The following ITIH2 variants were observed in gnomAD, a reference collection of about 807,000 sequenced individuals.
The protein encoded by ITIH2 is inter-alpha-trypsin inhibitor heavy chain 2, also known as inter-alpha-trypsin inhibitor heavy chain H2.
ITIH2 carries 103 observed loss-of-function variants against 104.4 expected under a neutral mutation model. The ratio of observed to expected loss-of-function variants is 0.99; its 90% CI spans 0.84 to 1.16. The LOEUF (loss-of-function observed/expected upper bound fraction) is 1.16. Among genes scored for constraint, ITIH2 ranks in the 50% most tolerant of loss-of-function variants. The probability of loss-of-function intolerance (pLI) is 0.00; values close to 1 mark genes in which losing one functional copy is unlikely to be tolerated. For synonymous variants in ITIH2, 436 were observed against 435.4 expected (o/e 1.00, Z -0.02); for missense variants, 1,108 against 1,162.4 (o/e 0.95, Z 0.68).
chr10:7,717,950 C>T lies in ITIH2; in HGVS notation c.630+162C>T, dbSNP rs112881065. The stretch of plus-strand genomic sequence containing the variant: ...AAGATGGTGGGTTTGGAGTCAGCCA[C>T]ACCACTTCCTTATGGCTCTCGGTCT... On this transcript the variant is annotated intron_variant, in intron 6 of 20. Coordinates refer to ENST00000358415, the MANE Select transcript of ITIH2 (RefSeq NM_002216.3). 1.7e-3 allele frequency among the ~76,000 whole-genome samples: 266 copies of T among 152,208 alleles called. 1 individual carries two copies. The highest frequency in any genetic ancestry group is 6.2e-3 in the African/African-American group (258 of 41,524).
At position 7,709,141 on chromosome 10, in the gene ITIH2, C is replaced by T. The variant is rs1471964439; in HGVS notation, c.312C>T (p.Val104=). The T allele has an allele frequency of 2.5e-6, 4 of 1,613,950 alleles. No individual in the cohort carries two copies. Among genetic ancestry groups the T allele is most frequent in the African/African-American group, 2.7e-5 (2 of 74,880 alleles). The part of the protein sequence containing the change: ...VVNNSPQPQN[V]VFDVQIPKGA... Reference sequence around the variant, plus strand: ...ACAATTCCCCGCAGCCTCAGAATGTCGTGTTTGATGTTCAGATCCCCAAAG... The same window carrying T: ...ACAATTCCCCGCAGCCTCAGAATGTTGTGTTTGATGTTCAGATCCCCAAAG... The change falls in exon 4 of 21, where the codon GTC becomes GTT. Residue 104 remains valine, a synonymous_variant. Transcript: ENST00000358415.
At chr10:7,727,228 C>A in intron 10 of ITIH2, 110 bp downstream of exon 10, 3 of 860,466 alleles carry the variant, frequency 3.5e-6, no homozygotes, top group Non-Finnish European at 5.3e-6. Context: ...CATTCGAGGG[C>A]CTATCTTAAA....
intron 4 of ITIH2, among the ~76,000 whole-genome samples, chr10:7,709,912 G>A (rs925013723): frequency 1.3e-5 from 2 of 152,078 alleles, no homozygotes; most frequent in Admixed American, 1.3e-4. Flanking sequence ...GGAGTGCAGT[G>A]GCGTGATCTC....
rs1251906207 is a variant in ITIH2, at chr10:7,713,342, A to G, written c.467+57A>G. ...CCTCTCAATGACGGTTTCCTCTCCT[A>G]CTTCCTTCCCACAGCAGCAAAGCAG... On this transcript the variant is annotated intron_variant, in intron 5 of 20. Coordinates refer to ENST00000358415, the MANE Select transcript of ITIH2 (RefSeq NM_002216.3). 10 of 1,363,888 alleles carry G rather than the reference A, an allele frequency of 7.3e-6. No individual in the cohort carries two copies. In the East Asian group the frequency reaches 1.6e-4, roughly 22 times the overall value. The allele number at this position is 1,363,888 out of a possible 1,614,324, so 84.5% of individuals were successfully genotyped here.
chr10:7,717,828 T>A, intron 6 of ITIH2, 40 bp downstream of exon 6: 2 of 1,573,764 alleles, frequency 1.3e-6, no homozygotes, highest in Non-Finnish European at 1.7e-6. Flanking sequence ...ACACTGTCCT[T>A]TTATAGTCTC....
Position 7,709,084 on chromosome 10 carries a change from G to A in ITIH2, c.255G>A (p.Met85Ile), listed in dbSNP as rs760324718. The stretch of plus-strand genomic sequence containing the variant: ...TCCAGTCTACTATTACTTCTCGGAT[G>A]GCCACCACCATGATCCAGAGCAAAG... ...YKVQSTITSR[M>I]ATTMIQSKVV... The change falls in exon 4 of 21, where the codon ATG becomes ATA. Residue 85 changes from methionine to isoleucine, a missense_variant. By Grantham distance (10) the Met-to-Ile change is conservative (BLOSUM62 1). Coordinates refer to ENST00000358415, the MANE Select transcript of ITIH2 (RefSeq NM_002216.3). The A allele has an allele frequency of 6.2e-7, 1 of 1,614,002 alleles. No homozygotes were observed. The highest frequency in any genetic ancestry group is 1.3e-5 in the African/African-American group (1 of 75,008).
intron 20 of ITIH2, among the ~76,000 whole-genome samples, chr10:7,747,428 G>A (rs1378469113): frequency 6.6e-6 from 1 of 152,174 alleles, no homozygotes; most frequent in Non-Finnish European, 1.5e-5. Context: ...TGCCACGAAA[G>A]TAGATTTGTG....
At chr10:7,747,568 A>C (rs187664485) in intron 20 of ITIH2, among the ~76,000 whole-genome samples, 1 of 152,140 alleles carries the variant, frequency 6.6e-6, no homozygotes, top group Non-Finnish European at 1.5e-5. Flanking sequence ...ATTAATGTTA[A>C]TAGTAAGTTA....
At chr10:7,709,563 G>C (rs925900952) in intron 4 of ITIH2, among the ~76,000 whole-genome samples, 2 of 146,188 alleles carry the variant, frequency 1.4e-5, no homozygotes, top group African/African-American at 5.0e-5. Flanking sequence ...TTCTCTATGG[G>C]AAAAAAAAAA....
intron 9 of ITIH2, among the ~76,000 whole-genome samples, chr10:7,724,584 A>AAAAAAAAAAAAAC: frequency 6.7e-6 from 1 of 149,402 alleles, no homozygotes; most frequent in Non-Finnish European, 1.5e-5. Flanking sequence ...AAAAAAAAAA[A>AAAAAAAAAAAAAC]AAAGAAGAGG....
At position 7,749,233 on chromosome 10, in the gene ITIH2, G is replaced by C. The variant is rs1011794889; in HGVS notation, c.2740G>C (p.Val914Leu). Residue 914 changes from valine to leucine, a missense_variant, in exon 21 of 21, where the codon GTT becomes CTT. Coordinates refer to ENST00000358415, the MANE Select transcript of ITIH2 (RefSeq NM_002216.3). ...AACGGATCTAGTGTTTGGAACGGAC[G>C]TTACCTGCTGGTTTGTGCACAACAG... is the stretch of plus-strand genomic sequence containing the variant. ...YRTDLVFGTDVTCWFVHNSGK... is the reference protein window; with the variant it reads ...YRTDLVFGTDLTCWFVHNSGK... 5 of 1,614,096 alleles carry C rather than the reference G, an allele frequency of 3.1e-6. No homozygotes were observed. The highest frequency in any genetic ancestry group is 1.7e-5 in the Admixed American group (1 of 60,016).
At chr10:7,708,821 G>C (rs1226715151) in intron 3 of ITIH2, among the ~76,000 whole-genome samples, 1 of 152,104 alleles carries the variant, frequency 6.6e-6, no homozygotes, top group Non-Finnish European at 1.5e-5. Flanking sequence ...TTGAAACCAA[G>C]GCAGACTTCT....
rs191753211 is a variant in ITIH2 at position 7,707,250 on chromosome 10, T to C, written c.192+17T>C. 3.0e-5 allele frequency: 47 copies of C among 1,572,528 alleles called. No homozygotes were observed. The African/African-American group carries it at 5.9e-4, about 20-fold the overall frequency. On this transcript the variant is annotated intron_variant, in intron 3 of 20. Transcript: ENST00000358415. ...GAAATGATGGTAAGTTGACTTGATG[T>C]TGTTACAGATTGAATGATTTTCCTG...
chr10:7,736,925 C>T (rs1835060762), intron 15 of ITIH2, among the ~76,000 whole-genome samples: 1 of 152,022 alleles, frequency 6.6e-6, no homozygotes. Flanking sequence ...ATATTATATG[C>T]CAAAACATGC....
Position 7,735,082 on chromosome 10 carries a change from T to C in ITIH2, c.1948T>C (p.Cys650Arg). 6.2e-7 allele frequency: 1 copy of C among 1,607,806 alleles called. No homozygotes were observed. Among genetic ancestry groups the C allele is most frequent in the South Asian group, 1.1e-5 (1 of 90,926 alleles). ...LADAPPQDPS[C>R]CSGALYYGSK... ...GGATGCCCCACCGCAGGATCCCTCC[T>C]GCTGCTCAGGTCAGGGCTGCACCTG... The change falls in exon 15 of 21, where the codon TGC (cysteine) becomes CGC (arginine). Residue 650 changes from cysteine (C) to arginine (R), a missense_variant. Coordinates refer to ENST00000358415, the MANE Select transcript of ITIH2 (RefSeq NM_002216.3).
At chr10:7,735,566 A>G (rs1026420554) in intron 15 of ITIH2, among the ~76,000 whole-genome samples, 3 of 152,134 alleles carry the variant, frequency 2.0e-5, no homozygotes, top group Non-Finnish European at 4.4e-5. Flanking sequence ...GACAACAAAT[A>G]CAATTTCTAT....
At chr10:7,736,789 A>G (rs1835059662) in intron 15 of ITIH2, among the ~76,000 whole-genome samples, 1 of 152,208 alleles carries the variant, frequency 6.6e-6, no homozygotes, top group Admixed American at 6.5e-5. Context: ...AGGATTCGGC[A>G]TCAATTCTAC....
intron 9 of ITIH2, 28 bp from the exon 10 acceptor site, chr10:7,726,922 G>A: frequency 1.3e-6 from 2 of 1,538,722 alleles, no homozygotes; most frequent in Non-Finnish European, 1.8e-6. Flanking sequence ...TCTGTAATGG[G>A]ACCTGTCTTT....
intron 5 of ITIH2, among the ~76,000 whole-genome samples, chr10:7,714,475 GCTCA>G (rs1255645988): frequency 6.6e-6 from 1 of 151,824 alleles, no homozygotes; most frequent in Non-Finnish European, 1.5e-5. Context: ...CCTGGCCCAC[GCTCA>G]CTATTAGGCC....
Sources: allele counts gnomAD v4.1 joint callset (sites outside exome capture counted in the v4.1 genomes callset), GRCh38; gene constraint gnomAD v4.1.1; transcripts MANE v1.5; gene names NCBI Gene and HGNC (gene_info 2026-07-23, HGNC 2026-07-21).